Variants in LRP6 observed in about 807,000 individuals in gnomAD.
LRP6 encodes the protein low-density lipoprotein receptor-related protein 6.
A neutral mutation model predicts 184.1 loss-of-function variants in LRP6; 43 were observed. The ratio of observed to expected loss-of-function variants is 0.23; its 90% CI spans 0.18 to 0.30. LRP6 has a LOEUF of 0.30. Among genes scored for constraint, LRP6 ranks in the 10% least tolerant of loss-of-function variants. The probability of loss-of-function intolerance (pLI) is 1.00; values close to 1 mark genes in which losing one functional copy is unlikely to be tolerated. For synonymous variants in LRP6, 719 were observed against 684.9 expected (o/e 1.05, Z -0.78); for missense variants, 1,571 against 2,005.3 (o/e 0.78, Z 4.14).
In LRP6 at chr12:12,217,352, C is replaced by A. The variant is rs140224652; in HGVS notation, c.450-13952G>T. On this transcript the variant is annotated intron_variant, in intron 2 of 22. Coordinates refer to ENST00000261349, the MANE Select transcript of LRP6 (RefSeq NM_002336.3). Reference sequence around the variant, plus strand: ...TGTTTCCCATCACCCCTAGATAAGACCATCTAGTTGCAGGAAAAAAACTCA... The same window carrying A: ...TGTTTCCCATCACCCCTAGATAAGAACATCTAGTTGCAGGAAAAAAACTCA... Among the ~76,000 whole-genome samples, 876 of 151,912 alleles carry A rather than the reference C, an allele frequency of 5.8e-3. 5 individuals are homozygous for A. Among genetic ancestry groups the A allele is most frequent in the Non-Finnish European group, 0.011 (720 of 67,984 alleles).
intron 2 of LRP6, among the ~76,000 whole-genome samples, chr12:12,213,077 TA>T (rs1251749063): frequency 6.6e-6 from 1 of 152,350 alleles, no homozygotes; most frequent in African/African-American, 2.4e-5. Context: ...CTGGAGTAAA[TA>T]TTTTTTTCAG....
intron 7 of LRP6, among the ~76,000 whole-genome samples, chr12:12,169,584 A>G (rs373634473): frequency 2.0e-5 from 3 of 152,318 alleles, no homozygotes; most frequent in East Asian, 3.9e-4. Flanking sequence ...CCACGATCAA[A>G]GTATTAACAA....
At chr12:12,192,247 T>C (rs373809500) in intron 3 of LRP6, among the ~76,000 whole-genome samples, 3 of 151,958 alleles carry the variant, frequency 2.0e-5, no homozygotes, top group East Asian at 3.8e-4. Context: ...AAAATGCACG[T>C]TGCAATCCCT....
At chr12:12,186,875 G>A (rs1863489224) in intron 4 of LRP6, 48 bp downstream of exon 4, 1 of 1,485,946 alleles carries the variant, frequency 6.7e-7, no homozygotes, top group Non-Finnish European at 9.4e-7. Flanking sequence ...ACATTAGAGT[G>A]CTACAAAGCT....
chr12:12,203,922 C>T (rs1269593777), intron 2 of LRP6, among the ~76,000 whole-genome samples: 2 of 152,184 alleles, frequency 1.3e-5, no homozygotes, highest in Non-Finnish European at 2.9e-5. Context: ...TCAAAAACCA[C>T]TGAATCAAAA....
Position 12,120,931 on chromosome 12 carries a change from G to C in LRP6, c.*195C>G, listed in dbSNP as rs1162095483. On this transcript the variant is annotated 3_prime_UTR_variant, in exon 23 of 23. Coordinates refer to ENST00000261349, the MANE Select transcript of LRP6 (RefSeq NM_002336.3). ...CTTTTATGGCACAAGCAGCAAATCT[G>C]CTGTTTTAAGAAAATATATAAATAT... 2 of 461,630 alleles carry C rather than the reference G, an allele frequency of 4.3e-6. No individual in the cohort carries two copies. Among genetic ancestry groups the C allele is most frequent in the Non-Finnish European group, 3.7e-6 (1 of 271,142 alleles). The allele number at this position is 461,630 out of a possible 1,614,324, so 28.6% of individuals were successfully genotyped here. A position where few individuals can be genotyped will look rare whatever the true frequency, so the allele number is the denominator to read the frequency against.
intron 1 of LRP6, among the ~76,000 whole-genome samples, chr12:12,257,459 T>C (rs1353787738): frequency 6.6e-6 from 1 of 151,130 alleles, no homozygotes; most frequent in Non-Finnish European, 1.5e-5. Context: ...TGGGCGCCTG[T>C]AGTCCCAGCT....
intron 2 of LRP6, among the ~76,000 whole-genome samples, chr12:12,207,057 C>A (rs1864079676): frequency 6.6e-6 from 1 of 152,194 alleles, no homozygotes; most frequent in South Asian, 2.1e-4. Context: ...GGTATTTTAG[C>A]TAGGGGCTAT....
chr12:12,244,753 C>A, intron 1 of LRP6, 98 bp from the exon 2 acceptor site: 2 of 1,067,716 alleles, frequency 1.9e-6, no homozygotes, highest in Non-Finnish European at 1.4e-6. Context: ...CAAAGACTGT[C>A]GAAAATAAGA....
At position 12,209,473 on chromosome 12, in the gene LRP6, T is replaced by A. The variant is rs115501399; in HGVS notation, c.450-6073A>T. On this transcript the variant is annotated intron_variant, in intron 2 of 22. Coordinates refer to ENST00000261349, the MANE Select transcript of LRP6 (RefSeq NM_002336.3). Reference sequence around the variant, plus strand: ...AGATAAAGATTCCAACTACAATAAGTGAAACTAAGGCATTTGTCAGATGAG... The same window carrying A: ...AGATAAAGATTCCAACTACAATAAGAGAAACTAAGGCATTTGTCAGATGAG... 7.0e-3 allele frequency among the ~76,000 whole-genome samples: 1,063 copies of A among 152,226 alleles called. 8 individuals carry two copies. The highest frequency in any genetic ancestry group is 0.024 in the African/African-American group (1,003 of 41,558).
rs148062484 is a variant in LRP6 at position 12,125,867 on chromosome 12, A to G, written c.4313-435T>C. On this transcript the variant is annotated intron_variant, in intron 20 of 22. Coordinates refer to ENST00000261349, the MANE Select transcript of LRP6 (RefSeq NM_002336.3). ...AATATTTTTTCATCTAATGAATATA[A>G]ATGTTGCTAGAATCAAAACTACCAG... Among the ~76,000 whole-genome samples the G allele has an allele frequency of 1.2e-3, 183 of 152,356 alleles. 1 individual carries two copies. Among genetic ancestry groups the G allele is most frequent in the African/African-American group, 4.2e-3 (173 of 41,578 alleles).
chr12:12,184,449 C>T (rs959771681), intron 4 of LRP6, among the ~76,000 whole-genome samples: 2 of 151,712 alleles, frequency 1.3e-5, no homozygotes, highest in African/African-American at 4.8e-5. Flanking sequence ...ACATTATAGA[C>T]AATAAGTACA....
At chr12:12,166,457 A>G (rs929881085) in intron 7 of LRP6, among the ~76,000 whole-genome samples, 4 of 152,248 alleles carry the variant, frequency 2.6e-5, no homozygotes, top group African/African-American at 9.6e-5. Context: ...TGTATTATAC[A>G]ATACAAAAAT....
At chr12:12,223,657 T>C (rs895778099) in intron 2 of LRP6, among the ~76,000 whole-genome samples, 1 of 152,238 alleles carries the variant, frequency 6.6e-6, no homozygotes, top group African/African-American at 2.4e-5. Context: ...TACTCCTATC[T>C]TAATTTTTAA....
intron 1 of LRP6, among the ~76,000 whole-genome samples, chr12:12,265,333 TAG>T (rs1865729476): frequency 6.6e-6 from 1 of 152,128 alleles, no homozygotes; most frequent in Non-Finnish European, 1.5e-5. Context: ...GTAATATGCT[TAG>T]AGTATCAAGT....
chr12:12,202,650 C>G (rs937078472), intron 3 of LRP6, among the ~76,000 whole-genome samples: 2 of 152,152 alleles, frequency 1.3e-5, no homozygotes, highest in African/African-American at 4.8e-5. Flanking sequence ...GTAGTTGAAC[C>G]GGAGATCATA....
At chr12:12,160,060 A>C in intron 10 of LRP6, 96 bp from the exon 11 acceptor site, 1 of 878,456 alleles carries the variant, frequency 1.1e-6, no homozygotes, top group Non-Finnish European at 1.7e-6. Context: ...ATTTAAAGAA[A>C]ACATACAGCA....
chr12:12,226,809 T>C (rs1864636803), intron 2 of LRP6: 2 of 152,064 alleles, frequency 1.3e-5, no homozygotes, highest in Admixed American at 6.6e-5. Flanking sequence ...ATAAGAACTG[T>C]GGGACAATTA....
chr12:12,219,309 G>T (rs950472630), intron 2 of LRP6, among the ~76,000 whole-genome samples: 12 of 152,104 alleles, frequency 7.9e-5, no homozygotes, highest in Non-Finnish European at 1.3e-4. Context: ...GGGTTCAAAC[G>T]ATTCTCCTGC....
Sources: gnomAD v4.1 joint callset for allele counts (sites outside exome capture counted in the v4.1 genomes callset) on GRCh38, gnomAD v4.1.1 for gene constraint, MANE v1.5 for transcripts, NCBI Gene and HGNC (gene_info 2026-07-23, HGNC 2026-07-21) for gene names.